The following MTHFD2L variants were observed in gnomAD, a reference collection of about 807,000 sequenced individuals.
MTHFD2L encodes methylenetetrahydrofolate dehydrogenase (NADP+ dependent) 2 like, also known as bifunctional methylenetetrahydrofolate dehydrogenase/cyclohydrolase 2, mitochondrial.
MTHFD2L carries 29 observed loss-of-function variants against 34.9 expected under a neutral mutation model. The observed-to-expected ratio is 0.83, with a 90% CI of 0.62 to 1.13. MTHFD2L has a LOEUF of 1.13. Ranked by LOEUF, MTHFD2L falls within the 50% of genes most tolerant of loss-of-function variation. MTHFD2L has a pLI of 0.00. For synonymous variants in MTHFD2L, 167 were observed against 155.7 expected (o/e 1.07, Z -0.54); for missense variants, 481 against 446.5 (o/e 1.08, Z -0.70).
rs965409991 is a variant in MTHFD2L, at chr4:74,166,850, C to A, written c.144-7656C>A. Among the ~76,000 whole-genome samples, 8 of 152,288 alleles carry A rather than the reference C, an allele frequency of 5.3e-5. No homozygotes were observed. In the East Asian group the frequency reaches 1.5e-3, roughly 29 times the overall value. On this transcript the variant is annotated intron_variant, in intron 1 of 7. Coordinates refer to ENST00000325278, the MANE Select transcript of MTHFD2L (RefSeq NM_001144978.3). ...CCATTAATTCAGGTCCAAGCCTATCCCCAGGGACCCAAACTCTGCACCCAA... is the reference window on the plus strand; with the variant it reads ...CCATTAATTCAGGTCCAAGCCTATCACCAGGGACCCAAACTCTGCACCCAA...
chr4:74,218,308 G>T (rs1737546452), intron 5 of MTHFD2L, among the ~76,000 whole-genome samples: 1 of 152,080 alleles, frequency 6.6e-6, no homozygotes, highest in South Asian at 2.1e-4. Context: ...AGGAGTAAAA[G>T]ACACAGAATC....
intron 3 of MTHFD2L, among the ~76,000 whole-genome samples, chr4:74,187,605 A>G (rs986910430): frequency 1.3e-5 from 2 of 152,198 alleles, no homozygotes; most frequent in Non-Finnish European, 2.9e-5. Context: ...TAAAATATCA[A>G]CTGACTATAC....
chr4:74,281,621 G>T, intron 7 of MTHFD2L, 71 bp downstream of exon 7: 10 of 1,449,882 alleles, frequency 6.9e-6, no homozygotes, highest in Non-Finnish European at 9.2e-6. Flanking sequence ...TAAAAATAGA[G>T]AAGTTTCATT....
At chr4:74,214,853 A>G (rs547915508) in intron 5 of MTHFD2L, among the ~76,000 whole-genome samples, 37 of 151,724 alleles carry the variant, frequency 2.4e-4, no homozygotes, top group Middle Eastern at 3.4e-3. Flanking sequence ...TGAGAGTTTT[A>G]TCTATAAGCC....
chr4:74,121,824 T>G (rs569966619), upstream of MTHFD2L, among the ~76,000 whole-genome samples: 1 of 151,704 alleles, frequency 6.6e-6, no homozygotes, highest in South Asian at 2.1e-4. Flanking sequence ...CTTATCCCAA[T>G]CCACAGAAAA....
chr4:74,287,513 G>A (rs1423494577), intron 7 of MTHFD2L, among the ~76,000 whole-genome samples: 3 of 152,152 alleles, frequency 2.0e-5, no homozygotes, highest in Non-Finnish European at 4.4e-5. Context: ...TTGGGAGACC[G>A]AGGAGTGTGG....
At chr4:74,242,138 G>T (rs1198500393) in intron 6 of MTHFD2L, 2 of 151,882 alleles carry the variant, frequency 1.3e-5, no homozygotes, top group African/African-American at 4.8e-5. Context: ...TTCTTACAAT[G>T]GATGTGAATC....
intron 5 of MTHFD2L, among the ~76,000 whole-genome samples, chr4:74,203,266 A>G (rs1289522529): frequency 1.3e-5 from 2 of 152,084 alleles, no homozygotes; most frequent in African/African-American, 4.8e-5. Flanking sequence ...CATGGTACCC[A>G]TCTCCAAAGT....
At chr4:74,140,945 G>A (rs1028092698) in intron 1 of MTHFD2L, among the ~76,000 whole-genome samples, 3 of 152,168 alleles carry the variant, frequency 2.0e-5, no homozygotes, top group South Asian at 2.1e-4. Flanking sequence ...GAGTGGGAAC[G>A]CAGCCAAACC....
intron 6 of MTHFD2L, among the ~76,000 whole-genome samples, chr4:74,226,118 A>T (rs762211907): frequency 2.6e-5 from 4 of 152,172 alleles, no homozygotes; most frequent in Non-Finnish European, 5.9e-5. Context: ...AGCAAAATAG[A>T]TAAAAACATA....
At chr4:74,224,512 A>T (rs907295578) in intron 5 of MTHFD2L, among the ~76,000 whole-genome samples, 2 of 152,156 alleles carry the variant, frequency 1.3e-5, no homozygotes, top group Non-Finnish European at 2.9e-5. Flanking sequence ...CCAGGAGAAG[A>T]CAAGATGCAG....
chr4:74,147,959 T>C (rs1430799645), intron 1 of MTHFD2L, among the ~76,000 whole-genome samples: 1 of 152,162 alleles, frequency 6.6e-6, no homozygotes, highest in Non-Finnish European at 1.5e-5. Context: ...GTTCTCTTGA[T>C]TGCTTTTTCA....
intron 6 of MTHFD2L, among the ~76,000 whole-genome samples, chr4:74,238,874 G>A (rs748512084): frequency 6.6e-5 from 10 of 151,894 alleles, no homozygotes; most frequent in Admixed American, 1.3e-4. Flanking sequence ...ATAGGAACAC[G>A]TTTACATTGT....
chr4:74,196,434 G>T (rs1733475597), intron 3 of MTHFD2L, among the ~76,000 whole-genome samples: 1 of 152,148 alleles, frequency 6.6e-6, no homozygotes, highest in African/African-American at 2.4e-5. Flanking sequence ...GGAACACACA[G>T]AGAAGAGACT....
upstream of MTHFD2L, among the ~76,000 whole-genome samples, chr4:74,155,841 T>C (rs1416826236): frequency 6.6e-6 from 1 of 152,028 alleles, no homozygotes; most frequent in East Asian, 1.9e-4. Context: ...ACATATTTCT[T>C]TTTGAAATAC....
chr4:74,189,053 A>G (rs1012583809), intron 3 of MTHFD2L, among the ~76,000 whole-genome samples: 3 of 152,062 alleles, frequency 2.0e-5, no homozygotes, highest in African/African-American at 7.2e-5. Flanking sequence ...AATTGGGTAG[A>G]CTATAAGGTT....
Position 74,281,570 on chromosome 4 carries a change from T to C in MTHFD2L, c.931+20T>C. ...TCGAAGGTAATAAACCAATATCTTTTGATAGGTGAAGAAGATAAAAAAATT... is the reference window on the plus strand; with the variant it reads ...TCGAAGGTAATAAACCAATATCTTTCGATAGGTGAAGAAGATAAAAAAATT... On this transcript the variant is annotated intron_variant, in intron 7 of 7. Coordinates refer to ENST00000325278, the MANE Select transcript of MTHFD2L (RefSeq NM_001144978.3). The C allele has an allele frequency of 6.2e-7, 1 of 1,600,818 alleles. No homozygotes were observed. The highest frequency in any genetic ancestry group is 8.5e-7 in the Non-Finnish European group (1 of 1,175,014).
At chr4:74,180,321 A>G (rs2109980024) in intron 3 of MTHFD2L, among the ~76,000 whole-genome samples, 1 of 152,248 alleles carries the variant, frequency 6.6e-6, no homozygotes, top group East Asian at 1.9e-4. Context: ...TATATCTCAT[A>G]AGACTGTTAT....
intron 5 of MTHFD2L, among the ~76,000 whole-genome samples, chr4:74,215,831 A>G (rs1489725429): frequency 1.3e-5 from 2 of 151,810 alleles, no homozygotes; most frequent in Non-Finnish European, 2.9e-5. Context: ...AGGTCTGCAT[A>G]GATACATTCC....
Sources: allele counts gnomAD v4.1 joint callset (sites outside exome capture counted in the v4.1 genomes callset), GRCh38; gene constraint gnomAD v4.1.1; transcripts MANE v1.5; gene names NCBI Gene and HGNC (gene_info 2026-07-23, HGNC 2026-07-21).